HACD2: variants seen among roughly 807,000 people sequenced by gnomAD.
HACD2 encodes 3-hydroxyacyl-CoA dehydratase 2, also known as very-long-chain (3R)-3-hydroxyacyl-CoA dehydratase 2.
A neutral mutation model predicts 31.0 loss-of-function variants in HACD2; 15 were observed. The observed-to-expected ratio is 0.48, with a 90% CI of 0.32 to 0.75. HACD2 has a LOEUF of 0.75. Ranked by LOEUF, HACD2 falls within the 30% of genes least tolerant of loss-of-function variation. The pLI is 0.03. For missense variants in HACD2, 283 were observed against 313.0 expected, an observed-to-expected ratio of 0.90 and a Z score of 0.72; for synonymous variants, 115 against 122.2, an observed-to-expected ratio of 0.94 and a Z score of 0.39.
intron 3 of HACD2, among the ~76,000 whole-genome samples, chr3:123,551,417 G>C (rs147063536): frequency 4.0e-4 from 61 of 152,044 alleles, no homozygotes; most frequent in African/African-American, 1.3e-3. Context: ...TCAGGAGTTC[G>C]AAACCAGCCT....
intron 6 of HACD2, chr3:123,499,778 G>C (rs2055880751): frequency 2.9e-6 from 1 of 346,968 alleles, no homozygotes; most frequent in Admixed American, 3.6e-5. Flanking sequence ...TTGGTATATA[G>C]AAATCAATCA....
chr3:123,567,831 T>A, intron 2 of HACD2, 51 bp from the exon 3 acceptor site: 1 of 1,238,878 alleles, frequency 8.1e-7, no homozygotes, highest in Non-Finnish European at 1.1e-6. Flanking sequence ...ATCAAGATAT[T>A]AAAGTTTTAT....
intron 2 of HACD2, among the ~76,000 whole-genome samples, chr3:123,568,218 T>C (rs2056812926): frequency 6.6e-6 from 1 of 152,228 alleles, no homozygotes; most frequent in Non-Finnish European, 1.5e-5. Flanking sequence ...ATGCAGACAT[T>C]CATTCTACTA....
chr3:123,559,196 C>A (rs1017078295), intron 3 of HACD2, among the ~76,000 whole-genome samples: 2 of 152,078 alleles, frequency 1.3e-5, no homozygotes, highest in Non-Finnish European at 2.9e-5. Context: ...GAAGTCATCC[C>A]GAAGCCCTAT....
At chr3:123,498,504 C>T (rs527862582) in intron 6 of HACD2, among the ~76,000 whole-genome samples, 4 of 152,324 alleles carry the variant, frequency 2.6e-5, no homozygotes, top group Middle Eastern at 3.4e-3. Context: ...GCTCTGCCTC[C>T]TGTCAGACCA....
intron 2 of HACD2, among the ~76,000 whole-genome samples, chr3:123,575,149 C>A (rs1453609750): frequency 6.6e-6 from 1 of 150,906 alleles, no homozygotes; most frequent in Non-Finnish European, 1.5e-5. Flanking sequence ...TGCTCTGTCT[C>A]CTAGACTTGG....
At chr3:123,574,452 TA>T (rs1413251635) in intron 2 of HACD2, among the ~76,000 whole-genome samples, 9 of 152,292 alleles carry the variant, frequency 5.9e-5, no homozygotes, top group African/African-American at 2.2e-4. Flanking sequence ...TGTATAAACA[TA>T]AAAAATGATG....
At chr3:123,550,227 C>G (rs2056604972) in intron 3 of HACD2, among the ~76,000 whole-genome samples, 1 of 152,206 alleles carries the variant, frequency 6.6e-6, no homozygotes, top group South Asian at 2.1e-4. Flanking sequence ...CAGCCTCAAG[C>G]TGTCCCATCG....
chr3:123,570,141 C>CA (rs961671246), intron 2 of HACD2, among the ~76,000 whole-genome samples: 2 of 151,796 alleles, frequency 1.3e-5, no homozygotes, highest in Non-Finnish European at 2.9e-5. Flanking sequence ...TCCTCAGATG[C>CA]ACTCTCCCCT....
chr3:123,492,287 T>C lies in HACD2; in HGVS notation c.*2601A>G, dbSNP rs1052683847. The C allele has an allele frequency of 5.3e-5, 8 of 152,150 alleles. No individual in the cohort carries two copies. The highest frequency in any genetic ancestry group is 3.8e-4 in the East Asian group (2 of 5,198). The allele number at this position is 152,150 out of a possible 1,614,324, so 9.4% of individuals were successfully genotyped here. A position where few individuals can be genotyped will look rare whatever the true frequency, so the allele number is the denominator to read the frequency against. On this transcript the variant is annotated 3_prime_UTR_variant, in exon 7 of 7. Coordinates refer to ENST00000383657, the MANE Select transcript of HACD2 (RefSeq NM_198402.5). ...CTGAAATACATAATCAAGTGGGTAG[T>C]TGGGAGGATGATGCCTTTGACTATG...
At position 123,500,686 on chromosome 3, in the gene HACD2, G is replaced by T; in HGVS notation, c.511C>A (p.Leu171Ile). ...PYLIKWARYTLFIVLYPMGVS... is the reference protein window; with the variant it reads ...PYLIKWARYTIFIVLYPMGVS... ...CCCATTGGGTACAGCACAATGAAAA[G>T]TGTGTACCTAAAACAAAACAAAATA... Residue 171 changes from leucine to isoleucine, a missense_variant, in exon 6 of 7, where the codon CTT becomes ATT. Around this residue, in one of 3 missense-constraint regions of HACD2, gnomAD observed 85 missense variants for 129.6 expected, o/e 0.66. Coordinates refer to ENST00000383657, the MANE Select transcript of HACD2 (RefSeq NM_198402.5). 1 of 1,593,718 alleles carries T rather than the reference G, an allele frequency of 6.3e-7. No homozygotes were observed. The highest frequency in any genetic ancestry group is 8.5e-7 in the Non-Finnish European group (1 of 1,173,924).
intron 5 of HACD2, 131 bp from the exon 6 acceptor site, chr3:123,500,824 A>T: frequency 1.9e-6 from 1 of 514,868 alleles, no homozygotes; most frequent in East Asian, 3.3e-5. Flanking sequence ...TTTACCTGCT[A>T]CTCAAATTCA....
At chr3:123,516,924 G>C (rs1254536095) in intron 4 of HACD2, among the ~76,000 whole-genome samples, 2 of 152,172 alleles carry the variant, frequency 1.3e-5, no homozygotes, top group African/African-American at 2.4e-5. Flanking sequence ...TGTAACTCTG[G>C]AATCAAACAG....
intron 2 of HACD2, among the ~76,000 whole-genome samples, chr3:123,578,325 C>CA (rs1452486995): frequency 6.6e-6 from 1 of 152,096 alleles, no homozygotes; most frequent in Non-Finnish European, 1.5e-5. Flanking sequence ...GGCTGGAGTG[C>CA]AGTGGCACGA....
rs1342702893 is a variant in HACD2 at position 123,494,910 on chromosome 3, T to G, written c.743A>C (p.Glu248Ala). The G allele has an allele frequency of 6.4e-7, 1 of 1,558,990 alleles. No homozygotes were observed. The highest frequency in any genetic ancestry group is 8.7e-7 in the Non-Finnish European group (1 of 1,149,964). The change falls in exon 7 of 7, where the codon GAA becomes GCA. Residue 248 changes from glutamate to alanine, a missense_variant. Coordinates refer to ENST00000383657, the MANE Select transcript of HACD2 (RefSeq NM_198402.5). The stretch of plus-strand genomic sequence containing the variant: ...GAACTATTCAAATTTCTTGTGTTCT[T>G]CAGTATGAGAAAGGATCTTTCTTCT... ...HQRRKILSHT[E>A]EHKKFE
intron 4 of HACD2, among the ~76,000 whole-genome samples, chr3:123,521,236 A>G (rs562436419): frequency 6.6e-6 from 1 of 152,334 alleles, no homozygotes; most frequent in Admixed American, 6.5e-5. Flanking sequence ...GGGGGTTAGT[A>G]TCATATTTTA....
intron 3 of HACD2, among the ~76,000 whole-genome samples, chr3:123,557,785 G>T (rs753292174): frequency 6.6e-6 from 1 of 152,138 alleles, no homozygotes; most frequent in Non-Finnish European, 1.5e-5. Context: ...AATACCAAAC[G>T]CAGCAGAGGA....
chr3:123,538,524 G>A (rs1370871096), intron 3 of HACD2, among the ~76,000 whole-genome samples: 1 of 152,170 alleles, frequency 6.6e-6, no homozygotes, highest in East Asian at 1.9e-4. Flanking sequence ...TGTGGGGCTA[G>A]ATTGAAATCT....
intron 3 of HACD2, among the ~76,000 whole-genome samples, chr3:123,536,620 CG>C (rs1198166636): frequency 2.6e-5 from 4 of 152,124 alleles, no homozygotes; most frequent in African/African-American, 9.7e-5. Context: ...AAGAATACAC[CG>C]TGTTCCACAT....
Sources: gnomAD v4.1 joint callset for allele counts (sites outside exome capture counted in the v4.1 genomes callset) on GRCh38, gnomAD v4.1.1 for gene constraint, gnomAD v4.1.1 regional missense constraint, MANE v1.5 for transcripts, NCBI Gene and HGNC (gene_info 2026-07-23, HGNC 2026-07-21) for gene names.